Variants in FAM81A observed in about 807,000 individuals in gnomAD.
FAM81A encodes family with sequence similarity 81 member A, also known as protein FAM81A.
In FAM81A, 19 loss-of-function variants were observed where a neutral mutation model predicts 46.7. That is an observed-to-expected ratio of 0.41 (90% CI 0.28 to 0.60). FAM81A has a LOEUF of 0.60. Ranked by LOEUF, FAM81A falls within the 20% of genes least tolerant of loss-of-function variation. The pLI, the probability that FAM81A is intolerant of heterozygous loss-of-function variation, is 0.34. For missense variants in FAM81A, 377 were observed against 453.5 expected (o/e 0.83, Z 1.53); for synonymous variants, 183 against 152.9 (o/e 1.20, Z -1.45).
chr15:59,471,793 A>G (rs553273493), intron 3 of FAM81A, among the ~76,000 whole-genome samples: 3 of 152,134 alleles, frequency 2.0e-5, no homozygotes, highest in Admixed American at 2.0e-4. Context: ...GCCTACATAC[A>G]TAGTTATCAA....
chr15:59,450,209 C>G (rs1474318168), intron 1 of FAM81A, among the ~76,000 whole-genome samples: 1 of 151,324 alleles, frequency 6.6e-6, no homozygotes, highest in Non-Finnish European at 1.5e-5. Flanking sequence ...GGATTACAGG[C>G]CTGAGCCACT....
intron 3 of FAM81A, among the ~76,000 whole-genome samples, chr15:59,465,610 GCGGTCT>G (rs1226141490): frequency 6.6e-6 from 1 of 152,084 alleles, no homozygotes; most frequent in Non-Finnish European, 1.5e-5. Flanking sequence ...TTGTCTATTC[GCGGTCT>G]TTTGTGGTTC....
intron 2 of FAM81A, among the ~76,000 whole-genome samples, chr15:59,403,836 C>T (rs1166010366): frequency 1.3e-5 from 2 of 151,422 alleles, no homozygotes; most frequent in Non-Finnish European, 2.9e-5. Context: ...TCAGTGTTTT[C>T]AAGACTCAAT....
rs2082328486 is a variant in FAM81A at position 59,521,546 on chromosome 15, C to T, written c.*168C>T. 1 of 646,430 alleles carries T rather than the reference C, an allele frequency of 1.5e-6. No homozygotes were observed. Among genetic ancestry groups the T allele is most frequent in the African/African-American group, 1.9e-5 (1 of 52,932 alleles). 40.0% of individuals were successfully genotyped at this position (646,430 alleles called of 1,614,324 possible). A position where few individuals can be genotyped will look rare whatever the true frequency, so the allele number is the denominator to read the frequency against. ...ATGTTTACCTTGAGTCTTGAAAATA[C>T]TCTTTTGTTAAAAGTATGAAATACA... On this transcript the variant is annotated 3_prime_UTR_variant, in exon 9 of 9. Transcript: ENST00000288228.
intron 3 of FAM81A, among the ~76,000 whole-genome samples, chr15:59,469,178 T>C (rs1211671532): frequency 7.2e-5 from 11 of 152,324 alleles, no homozygotes; most frequent in African/African-American, 2.6e-4. Flanking sequence ...GAGAAGAATG[T>C]ATATTCTGTT....
Position 59,487,381 on chromosome 15 carries a change from A to G in FAM81A, c.295-4890A>G, listed in dbSNP as rs988714284. On this transcript the variant is annotated intron_variant, in intron 3 of 8. Transcript: ENST00000288228. ...GAATCAGAAAAGCAAGAGCAAACCA[A>G]ACCCAAAGTTAGTAGAAGAAAGGAA... 8.8e-4 allele frequency among the ~76,000 whole-genome samples: 133 copies of G among 151,244 alleles called. 1 individual carries two copies. The highest frequency in any genetic ancestry group is 1.5e-3 in the Non-Finnish European group (104 of 67,718).
At chr15:59,504,167 T>C (rs2082125626) in intron 4 of FAM81A, among the ~76,000 whole-genome samples, 1 of 152,214 alleles carries the variant, frequency 6.6e-6, no homozygotes, top group East Asian at 1.9e-4. Context: ...AAACCTCAGC[T>C]TTCCCCAAAT....
At chr15:59,449,510 G>A (rs1010822883) in intron 1 of FAM81A, among the ~76,000 whole-genome samples, 2 of 152,182 alleles carry the variant, frequency 1.3e-5, no homozygotes, top group Admixed American at 6.5e-5. Context: ...GGCCGGGCAC[G>A]GTGGCTCACG....
In FAM81A at chr15:59,492,406, TG is replaced by T. The variant is rs2081991114; in HGVS notation, c.413+21del. The T allele has an allele frequency of 6.3e-7, 1 of 1,597,844 alleles. No homozygotes were observed. The highest frequency in any genetic ancestry group is 8.6e-7 in the Non-Finnish European group (1 of 1,168,062). ...AGTGGCAAGGTAGGTGTTCAAATGTTGGGGTCTCTGCTCATCAAAAACCATT... is the reference window on the plus strand; with the variant it reads ...AGTGGCAAGGTAGGTGTTCAAATGTTGGGTCTCTGCTCATCAAAAACCATT... On this transcript the variant is annotated intron_variant, in intron 4 of 8. Coordinates refer to ENST00000288228, the MANE Select transcript of FAM81A (RefSeq NM_152450.3).
chr15:59,419,020 G>T (rs1172689340), intron 2 of FAM81A, among the ~76,000 whole-genome samples: 1 of 152,144 alleles, frequency 6.6e-6, no homozygotes, highest in Admixed American at 6.5e-5. Context: ...CAAATCTCTT[G>T]GCTGGTTTCA....
At chr15:59,459,765 C>A (rs1157110050) in intron 2 of FAM81A, among the ~76,000 whole-genome samples, 168 bp from the exon 3 acceptor site, 1 of 152,148 alleles carries the variant, frequency 6.6e-6, no homozygotes, top group African/African-American at 2.4e-5. Flanking sequence ...ATTTAAAGAT[C>A]TTTCCCGGCT....
At chr15:59,511,597 C>G (rs1267736995) in intron 6 of FAM81A, among the ~76,000 whole-genome samples, 3 of 152,112 alleles carry the variant, frequency 2.0e-5, no homozygotes, top group African/African-American at 7.2e-5. Context: ...GAGAAATTCT[C>G]CCAAATGTGA....
intron 4 of FAM81A, 32 bp from the exon 5 acceptor site, chr15:59,507,181 A>G (rs747202809): frequency 8.8e-6 from 14 of 1,592,100 alleles, no homozygotes; most frequent in East Asian, 4.5e-5. Flanking sequence ...TTAAACTTTA[A>G]TAAGAATCAG....
rs59527837 is a variant in FAM81A at position 59,421,869 on chromosome 15, CTCTATCTATCTATCTATCTA to C, written c.-78+19546_-78+19565del. ...TTGGGGACAGATTAAACCCTCAACC[CTCTATCTATCTATCTATCTA>C]TCTATCTATCTATCTATCTATCTAT... On this transcript the variant is annotated intron_variant, in intron 2 of 4. Coordinates refer to the FAM81A transcript ENST00000558348. Among the ~76,000 whole-genome samples, 605 of 147,088 alleles carry C rather than the reference CTCTATCTATCTATCTATCTA, an allele frequency of 4.1e-3. 5 individuals are homozygous for C. Among genetic ancestry groups the C allele is most frequent in the Admixed American group, 7.7e-3 (112 of 14,562 alleles).
At chr15:59,419,580 T>TA (rs141966617) in intron 2 of FAM81A, among the ~76,000 whole-genome samples, 28,263 of 152,008 alleles carry the variant, frequency 0.19, 3,307 homozygotes, top group South Asian at 0.38. Context: ...TGAATTCTAT[T>TA]AAAAAACAAC....
chr15:59,482,913 C>G (rs572064627), intron 3 of FAM81A, among the ~76,000 whole-genome samples: 2 of 152,062 alleles, frequency 1.3e-5, no homozygotes, highest in East Asian at 3.9e-4. Context: ...ATTCATATGA[C>G]TCACATTTTG....
chr15:59,498,932 G>A (rs2082062339), intron 4 of FAM81A, among the ~76,000 whole-genome samples: 2 of 152,176 alleles, frequency 1.3e-5, no homozygotes, highest in South Asian at 2.1e-4. Context: ...TGATTACAAA[G>A]TGTTAGGATT....
intron 2 of FAM81A, among the ~76,000 whole-genome samples, chr15:59,427,400 C>T (rs1268727965): frequency 2.6e-5 from 4 of 152,308 alleles, no homozygotes; most frequent in Admixed American, 2.0e-4. Context: ...CTTGAGCCAC[C>T]ATGCCTCGCC....
intron 3 of FAM81A, among the ~76,000 whole-genome samples, chr15:59,485,488 ATCT>A (rs1332812441): frequency 6.6e-6 from 1 of 152,186 alleles, no homozygotes; most frequent in Non-Finnish European, 1.5e-5. Flanking sequence ...ATCCAGAGAA[ATCT>A]TCTGGATTTT....
Sources: allele counts gnomAD v4.1 joint callset (sites outside exome capture counted in the v4.1 genomes callset), GRCh38; gene constraint gnomAD v4.1.1; transcripts MANE v1.5; gene names NCBI Gene and HGNC (gene_info 2026-07-23, HGNC 2026-07-21).